The following COL9A1 variants were observed in gnomAD, a reference collection of about 807,000 sequenced individuals.
COL9A1 encodes collagen type IX alpha 1 chain.
Under a neutral mutation model 142.6 loss-of-function variants are expected in COL9A1, and 104 were observed. The ratio of observed to expected loss-of-function variants is 0.73; its 90% CI spans 0.62 to 0.86. The LOEUF (loss-of-function observed/expected upper bound fraction) is 0.86. Ranked by LOEUF, COL9A1 falls within the 40% of genes least tolerant of loss-of-function variation. The pLI, the probability that COL9A1 is intolerant of heterozygous loss-of-function variation, is 0.00. For synonymous variants in COL9A1, 466 were observed against 396.0 expected (o/e 1.18, Z -2.10); for missense variants, 1,210 against 1,176.6 (o/e 1.03, Z -0.42).
intron 35 of COL9A1, among the ~76,000 whole-genome samples, chr6:70,234,000 T>C (rs780520272): frequency 1.1e-4 from 16 of 152,220 alleles, no homozygotes; most frequent in Non-Finnish European, 5.9e-5. Flanking sequence ...TAAATTTTGA[T>C]AAGGGTTAAC....
intron 4 of COL9A1, among the ~76,000 whole-genome samples, chr6:70,295,457 T>G (rs1020516407): frequency 6.6e-6 from 1 of 151,916 alleles, no homozygotes; most frequent in African/African-American, 2.4e-5. Context: ...TGGCTAATTT[T>G]TTGTATTTTT....
Position 70,234,855 on chromosome 6 carries a change from C to T in COL9A1, c.2198G>A (p.Gly733Glu). The change falls in exon 34 of 38, where the codon GGA (glycine) becomes GAA (glutamate). Residue 733 changes from glycine to glutamate, a missense_variant. Coordinates refer to ENST00000357250, the MANE Select transcript of COL9A1 (RefSeq NM_001851.6). Reference protein sequence around the residue: ...PGVEGPRGPPGPRGVQGEQGA... With the variant: ...PGVEGPRGPPEPRGVQGEQGA... ...CTGTTCTCCCTGCACACCCCGGGGT[C>T]CAGGTGGTCCTCTTGGTCCTTCCAC... 6.2e-7 allele frequency: 1 copy of T among 1,614,114 alleles called. No individual in the cohort carries two copies. The highest frequency in any genetic ancestry group is 8.5e-7 in the Non-Finnish European group (1 of 1,180,014).
At chr6:70,268,623 C>T (rs112804517) in intron 17 of COL9A1, among the ~76,000 whole-genome samples, 181 bp downstream of exon 17, 2 of 152,280 alleles carry the variant, frequency 1.3e-5, no homozygotes, top group Admixed American at 1.3e-4. Context: ...ATTAAACCTC[C>T]ATGTCTTGGT....
chr6:70,297,208 G>T (rs1477586863), intron 4 of COL9A1, among the ~76,000 whole-genome samples: 1 of 151,964 alleles, frequency 6.6e-6, no homozygotes, highest in Admixed American at 6.6e-5. Flanking sequence ...AACTAAAAAA[G>T]AAAATAATTA....
At position 70,280,658 on chromosome 6, in the gene COL9A1, C is replaced by G. The variant is rs148568965; in HGVS notation, c.975+154G>C. ...CCTTTTGCAAAAGCTGCCAGTTCCA[C>G]GATCAATCAGGCGCTGGCAGGAGGC... On this transcript the variant is annotated intron_variant, in intron 10 of 37. Coordinates refer to ENST00000357250, the MANE Select transcript of COL9A1 (RefSeq NM_001851.6). Among the ~76,000 whole-genome samples the G allele has an allele frequency of 3.2e-3, 484 of 152,300 alleles. 5 individuals carry two copies. Among genetic ancestry groups the G allele is most frequent in the South Asian group, 0.027 (128 of 4,824 alleles).
chr6:70,237,539 T>C (rs1769992864), intron 33 of COL9A1, among the ~76,000 whole-genome samples: 1 of 152,258 alleles, frequency 6.6e-6, no homozygotes, highest in African/African-American at 2.4e-5. Context: ...AATCAAGAGC[T>C]AATTCCTAAT....
chr6:70,280,854 T>C lies in COL9A1; in HGVS notation c.933A>G (p.Gly311=). ...PGPPGPAGEP[G]KPGAPGKPGT... ...CAGGCTTGCCTGGAGCTCCTGGCTT[T>C]CCCGGTTCACCTGCAGGACCCTGAG... Residue 311 remains glycine, a synonymous_variant, in exon 10 of 38, where the codon GGA becomes GGG. Transcript: ENST00000357250. 1 of 1,613,522 alleles carries C rather than the reference T, an allele frequency of 6.2e-7. No individual in the cohort carries two copies. Among genetic ancestry groups the C allele is most frequent in the Non-Finnish European group, 8.5e-7 (1 of 1,179,890 alleles).
At position 70,294,288 on chromosome 6, in the gene COL9A1, G is replaced by T; in HGVS notation, c.575C>A (p.Ala192Asp). ...KIMIGVERSS[A>D]TLFVDCNRIE... ...CCTGTTGCAGTCAACAAAAAGAGTA[G>T]CACTACTCCTCTCCACGCCAATCAT... The change falls in exon 5 of 38, where the codon GCT becomes GAT. Residue 192 changes from alanine (A) to aspartate (D), a missense_variant. Coordinates refer to ENST00000357250, the MANE Select transcript of COL9A1 (RefSeq NM_001851.6). 6.2e-7 allele frequency: 1 copy of T among 1,613,986 alleles called. No individual in the cohort carries two copies. The highest frequency in any genetic ancestry group is 1.1e-5 in the South Asian group (1 of 91,076).
intron 18 of COL9A1, among the ~76,000 whole-genome samples, chr6:70,265,473 T>C (rs537925366): frequency 1.3e-5 from 2 of 151,968 alleles, no homozygotes; most frequent in South Asian, 4.1e-4. Flanking sequence ...GGCTATGACA[T>C]ATTTAATTTA....
rs751568760 is a variant in COL9A1, at chr6:70,242,006, G to A, written c.1956C>T (p.Gly652=). The change falls in exon 30 of 38, where the codon GGC becomes GGT. Residue 652 remains glycine (G), a synonymous_variant. Coordinates refer to ENST00000357250, the MANE Select transcript of COL9A1 (RefSeq NM_001851.6). The stretch of plus-strand genomic sequence containing the variant: ...CAGGAAGTCCAGGGGGCCCAGGCAA[G>A]CCAGGGAGGCCAGGGCTACCCAGAG... ...LGSLGSPGLP[G]LPGPPGLPGM... is the part of the protein sequence containing the mutation. The A allele has an allele frequency of 3.1e-6, 5 of 1,598,342 alleles. No homozygotes were observed. Among genetic ancestry groups the A allele is most frequent in the Non-Finnish European group, 4.3e-6 (5 of 1,171,292 alleles).
At chr6:70,281,135 G>T (rs1223999785) in intron 8 of COL9A1, 96 bp from the exon 9 acceptor site, 1 of 1,101,062 alleles carries the variant, frequency 9.1e-7, no homozygotes, top group Non-Finnish European at 1.3e-6. Context: ...TCACAGATGG[G>T]GATGGTGTAA....
At chr6:70,279,927 A>C in intron 10 of COL9A1, 1 of 588,766 alleles carries the variant, frequency 1.7e-6, no homozygotes, top group Non-Finnish European at 3.2e-6. Context: ...CTTGAAGAGT[A>C]ACTTGAGTGA....
intron 4 of COL9A1, among the ~76,000 whole-genome samples, chr6:70,299,544 G>A (rs1773976378): frequency 6.6e-6 from 1 of 152,092 alleles, no homozygotes; most frequent in Non-Finnish European, 1.5e-5. Flanking sequence ...ATTTGATGTC[G>A]TTAGTATTAC....
At chr6:70,281,642 G>A (rs994421699) in intron 7 of COL9A1, among the ~76,000 whole-genome samples, 178 bp from the exon 8 acceptor site, 24 of 152,200 alleles carry the variant, frequency 1.6e-4, no homozygotes, top group African/African-American at 5.3e-4. Context: ...TTTGGTCTCC[G>A]CCATATTCTA....
intron 32 of COL9A1, among the ~76,000 whole-genome samples, 180 bp downstream of exon 32, chr6:70,240,508 TG>T (rs1268438956): frequency 6.6e-6 from 1 of 151,972 alleles, no homozygotes; most frequent in African/African-American, 2.4e-5. Flanking sequence ...GGGAGACTTT[TG>T]TTAGCTGATA....
intron 33 of COL9A1, among the ~76,000 whole-genome samples, chr6:70,236,289 A>C (rs1562293904): frequency 6.6e-6 from 1 of 152,156 alleles, no homozygotes; most frequent in Admixed American, 6.6e-5. Flanking sequence ...GACCACTAAA[A>C]GCATTTAAAA....
intron 32 of COL9A1, among the ~76,000 whole-genome samples, chr6:70,239,609 T>C (rs1770119559): frequency 6.6e-6 from 1 of 152,210 alleles, no homozygotes; most frequent in South Asian, 2.1e-4. Flanking sequence ...GCAAAAGATA[T>C]TAAAATAGCA....
chr6:70,243,609 C>T (rs1770410080), intron 28 of COL9A1, among the ~76,000 whole-genome samples: 1 of 152,042 alleles, frequency 6.6e-6, no homozygotes, highest in African/African-American at 2.4e-5. Flanking sequence ...CTCACTGCAA[C>T]CTCCATCTCC....
intron 4 of COL9A1, among the ~76,000 whole-genome samples, chr6:70,294,853 T>C (rs1583348473): frequency 6.6e-6 from 1 of 152,180 alleles, no homozygotes; most frequent in African/African-American, 2.4e-5. Context: ...CTATTTATAC[T>C]ACCCAAAGAG....
Sources: allele counts gnomAD v4.1 joint callset (sites outside exome capture counted in the v4.1 genomes callset), GRCh38; gene constraint gnomAD v4.1.1; transcripts MANE v1.5; gene names NCBI Gene and HGNC (gene_info 2026-07-23, HGNC 2026-07-21).